The following UNC13C variants were observed in gnomAD, a reference collection of about 807,000 sequenced individuals.
UNC13C encodes unc-13 homolog C, also known as protein unc-13 homolog C.
In UNC13C, 174 loss-of-function variants were observed where a neutral mutation model predicts 245.4. The observed-to-expected ratio is 0.71, with a 90% CI of 0.63 to 0.80. The LOEUF is 0.80. UNC13C is among the 30% of genes least tolerant of loss of function. The pLI, the probability that UNC13C is intolerant of heterozygous loss-of-function variation, is 0.00. For synonymous variants in UNC13C, 992 were observed against 895.1 expected (o/e 1.11, Z -1.93); for missense variants, 2,829 against 2,602.9 (o/e 1.09, Z -1.89).
chr15:54,352,354 AG>A (rs1342878284), intron 17 of UNC13C, among the ~76,000 whole-genome samples: 4 of 110,876 alleles, frequency 3.6e-5, no homozygotes, highest in Non-Finnish European at 5.1e-5. Context: ...ATATATATAT[AG>A]AGAGAGAGAG....
At chr15:54,021,255 A>C (rs1895893323) in intron 2 of UNC13C, among the ~76,000 whole-genome samples, 1 of 152,184 alleles carries the variant, frequency 6.6e-6, no homozygotes, top group Non-Finnish European at 1.5e-5. Context: ...TGTGGTCACC[A>C]TACCGTGCAG....
chr15:54,000,658 G>C (rs555225518), intron 1 of UNC13C, among the ~76,000 whole-genome samples: 2 of 152,212 alleles, frequency 1.3e-5, no homozygotes, highest in African/African-American at 4.8e-5. Flanking sequence ...TGCTTTTAAG[G>C]ATGTTCTTTT....
At chr15:54,227,849 C>T (rs1426429998) in intron 4 of UNC13C, among the ~76,000 whole-genome samples, 5 of 152,218 alleles carry the variant, frequency 3.3e-5, no homozygotes, top group African/African-American at 1.2e-4. Context: ...CAACCACTGA[C>T]TGGCTACCAC....
At chr15:54,152,888 A>G (rs917839985) in intron 4 of UNC13C, among the ~76,000 whole-genome samples, 1 of 152,146 alleles carries the variant, frequency 6.6e-6, no homozygotes, top group African/African-American at 2.4e-5. Context: ...GAGGGTGATA[A>G]TTGTATTTTC....
intron 17 of UNC13C, among the ~76,000 whole-genome samples, chr15:54,364,436 T>C (rs1280895705): frequency 6.6e-6 from 1 of 152,192 alleles, no homozygotes; most frequent in Non-Finnish European, 1.5e-5. Context: ...CATCAGAATT[T>C]GAGCAGGGTC....
At chr15:54,098,794 G>C (rs960709820) in intron 2 of UNC13C, among the ~76,000 whole-genome samples, 1 of 152,242 alleles carries the variant, frequency 6.6e-6, no homozygotes, top group South Asian at 2.1e-4. Flanking sequence ...CTTTCTGATA[G>C]TTTGCAAATG....
At chr15:53,904,702 T>C in the UNC13C span, among the ~76,000 whole-genome samples, 1 of 152,168 alleles carries the variant, frequency 6.6e-6, no homozygotes. Context: ...TTCATCAACC[T>C]CAAATCAGAT....
intron 30 of UNC13C, among the ~76,000 whole-genome samples, chr15:54,604,083 C>T (rs1415378727): frequency 6.6e-6 from 1 of 152,104 alleles, no homozygotes; most frequent in East Asian, 1.9e-4. Context: ...TCACCCTCAG[C>T]TTGTTGATGT....
At chr15:54,204,756 A>C (rs1440155173) in intron 4 of UNC13C, among the ~76,000 whole-genome samples, 1 of 151,986 alleles carries the variant, frequency 6.6e-6, no homozygotes, top group African/African-American at 2.4e-5. Context: ...AAAGCAAAAG[A>C]ATTATTATCA....
intron 4 of UNC13C, among the ~76,000 whole-genome samples, chr15:54,223,598 A>G (rs2035290720): frequency 6.6e-6 from 1 of 151,724 alleles, no homozygotes. Flanking sequence ...TTTGCTCAGG[A>G]TAGCTTTGCT....
At chr15:54,491,085 A>G (rs1893680048) in intron 19 of UNC13C, among the ~76,000 whole-genome samples, 1 of 152,226 alleles carries the variant, frequency 6.6e-6, no homozygotes, top group Non-Finnish European at 1.5e-5. Flanking sequence ...GTTTATATTT[A>G]TATTTCCAAT....
At chr15:54,161,177 C>T (rs546271236) in intron 4 of UNC13C, among the ~76,000 whole-genome samples, 3 of 152,258 alleles carry the variant, frequency 2.0e-5, no homozygotes, top group Admixed American at 2.0e-4. Context: ...TGGCTCACTG[C>T]AGCTTCAATT....
At chr15:54,242,554 CT>C (rs1450278848) in intron 7 of UNC13C, among the ~76,000 whole-genome samples, 1 of 151,982 alleles carries the variant, frequency 6.6e-6, no homozygotes, top group African/African-American at 2.4e-5. Flanking sequence ...TCTGGCTTTG[CT>C]TTGTTGACTC....
chr15:54,597,421 A>G (rs972976545), intron 30 of UNC13C, among the ~76,000 whole-genome samples: 2 of 152,146 alleles, frequency 1.3e-5, no homozygotes, highest in African/African-American at 4.8e-5. Context: ...CCGAACCTAC[A>G]GGCCAAAGTT....
chr15:54,351,871 A>G (rs2038990651), intron 17 of UNC13C, among the ~76,000 whole-genome samples: 1 of 152,038 alleles, frequency 6.6e-6, no homozygotes, highest in Non-Finnish European at 1.5e-5. Context: ...CTCAGTAGCC[A>G]CTGTTTTCTC....
chr15:54,347,774 A>T (rs2140834624), intron 17 of UNC13C, among the ~76,000 whole-genome samples: 1 of 152,292 alleles, frequency 6.6e-6, no homozygotes, highest in East Asian at 1.9e-4. Flanking sequence ...ATACATACAC[A>T]CACACATGCA....
intron 17 of UNC13C, among the ~76,000 whole-genome samples, chr15:54,348,349 A>T (rs2038906632): frequency 6.6e-6 from 1 of 152,122 alleles, no homozygotes; most frequent in African/African-American, 2.4e-5. Flanking sequence ...AGCACCCTTT[A>T]CTTTTCACAT....
intron 13 of UNC13C, among the ~76,000 whole-genome samples, chr15:54,317,286 A>G (rs1257902833): frequency 6.6e-6 from 1 of 152,090 alleles, no homozygotes; most frequent in African/African-American, 2.4e-5. Flanking sequence ...TGAAGATTGT[A>G]TTAAACTATA....
chr15:54,068,214 A>C (rs2141092281), intron 2 of UNC13C, among the ~76,000 whole-genome samples: 1 of 152,336 alleles, frequency 6.6e-6, no homozygotes, highest in East Asian at 1.9e-4. Flanking sequence ...AGATTTTGAT[A>C]ACTGATTCAT....
Sources: gnomAD v4.1 joint callset for allele counts (sites outside exome capture counted in the v4.1 genomes callset) on GRCh38, gnomAD v4.1.1 for gene constraint, MANE v1.5 for transcripts, NCBI Gene and HGNC (gene_info 2026-07-23, HGNC 2026-07-21) for gene names.